Variants in GPBP1 observed in about 807,000 individuals in gnomAD.
The protein encoded by GPBP1 is GC-rich promoter binding protein 1, also known as vasculin.
GPBP1 carries 13 observed loss-of-function variants against 56.5 expected under a neutral mutation model. The observed-to-expected ratio is 0.23, with a 90% CI of 0.15 to 0.37. The LOEUF (loss-of-function observed/expected upper bound fraction) is 0.37, where lower values mean the gene tolerates loss of function less well. Among genes scored for constraint, GPBP1 ranks in the 10% least tolerant of loss-of-function variants. The pLI is 1.00. For synonymous variants in GPBP1, 204 were observed against 188.9 expected (o/e 1.08, Z -0.66); for missense variants, 477 against 572.3 (o/e 0.83, Z 1.70).
At chr5:57,195,741 G>A (rs867547932) in intron 2 of GPBP1, among the ~76,000 whole-genome samples, 33 of 151,980 alleles carry the variant, frequency 2.2e-4, no homozygotes, top group Admixed American at 9.2e-4. Flanking sequence ...GCTCGTGAGC[G>A]CCTGTAATCC....
chr5:57,217,252 C>T (rs1755735946), intron 3 of GPBP1, among the ~76,000 whole-genome samples: 1 of 151,928 alleles, frequency 6.6e-6, no homozygotes, highest in African/African-American at 2.4e-5. Context: ...TGGGCCTTCC[C>T]TCCAGCATGA....
chr5:57,200,297 T>G (rs1754955229), intron 2 of GPBP1, among the ~76,000 whole-genome samples: 1 of 151,940 alleles, frequency 6.6e-6, no homozygotes, highest in Non-Finnish European at 1.5e-5. Flanking sequence ...AATTTCATTT[T>G]CTGTTTAATT....
chr5:57,246,555 TA>T (rs1183806610), intron 7 of GPBP1, 71 bp downstream of exon 7: 2 of 1,269,626 alleles, frequency 1.6e-6, no homozygotes, highest in Non-Finnish European at 2.2e-6. Flanking sequence ...GGGGAAATGT[TA>T]AAGAATTTAA....
chr5:57,211,787 T>C (rs1755493144), intron 2 of GPBP1, among the ~76,000 whole-genome samples: 1 of 151,742 alleles, frequency 6.6e-6, no homozygotes, highest in Admixed American at 6.6e-5. Flanking sequence ...TTCTCCTTGT[T>C]GGTCAAACTC....
chr5:57,191,675 C>A (rs763286830), intron 2 of GPBP1, among the ~76,000 whole-genome samples: 1 of 151,966 alleles, frequency 6.6e-6, no homozygotes, highest in African/African-American at 2.4e-5. Context: ...GATTCTCCTG[C>A]CTCAGCCTCC....
chr5:57,244,030 A>G (rs537846665), intron 6 of GPBP1, among the ~76,000 whole-genome samples: 7 of 152,222 alleles, frequency 4.6e-5, no homozygotes, highest in Non-Finnish European at 1.0e-4. Context: ...AAAAATTTTT[A>G]TTTCTTCTTA....
At chr5:57,229,213 A>G (rs1402788266) in intron 3 of GPBP1, among the ~76,000 whole-genome samples, 1 of 141,154 alleles carries the variant, frequency 7.1e-6, no homozygotes, top group Non-Finnish European at 1.5e-5. Flanking sequence ...CCTGGGCGAC[A>G]GAACAAGACT....
At chr5:57,216,403 T>C (rs540747493) in intron 3 of GPBP1, among the ~76,000 whole-genome samples, 13 of 151,946 alleles carry the variant, frequency 8.6e-5, no homozygotes, top group Non-Finnish European at 1.6e-4. Context: ...TCTGAACAAG[T>C]ATAACTGGGG....
chr5:57,250,486 A>T (rs1203199445), intron 9 of GPBP1, among the ~76,000 whole-genome samples: 1 of 150,372 alleles, frequency 6.7e-6, no homozygotes, highest in East Asian at 1.9e-4. Flanking sequence ...TTGGATATCC[A>T]TCCTGGCTTA....
intron 3 of GPBP1, among the ~76,000 whole-genome samples, chr5:57,230,152 G>A (rs762918772): frequency 1.3e-5 from 2 of 151,886 alleles, no homozygotes; most frequent in African/African-American, 4.8e-5. Context: ...AGCTGGTCTC[G>A]AACTCCCAAT....
At chr5:57,218,480 G>T (rs931097543) in intron 3 of GPBP1, among the ~76,000 whole-genome samples, 1 of 152,186 alleles carries the variant, frequency 6.6e-6, no homozygotes. Context: ...GTGGTGTGGT[G>T]TGTGGAGCTT....
At chr5:57,252,983 A>C (rs1053341785) in intron 10 of GPBP1, among the ~76,000 whole-genome samples, 1 of 152,222 alleles carries the variant, frequency 6.6e-6, no homozygotes, top group Non-Finnish European at 1.5e-5. Flanking sequence ...TGCTAGGATT[A>C]CAGGTGTGAG....
At chr5:57,197,395 C>T (rs1214859533) in intron 2 of GPBP1, among the ~76,000 whole-genome samples, 3 of 132,684 alleles carry the variant, frequency 2.3e-5, no homozygotes, top group East Asian at 4.2e-4. Flanking sequence ...CTCGCTCCGT[C>T]GCTCATGCTG....
intron 2 of GPBP1, among the ~76,000 whole-genome samples, chr5:57,194,714 G>C (rs1754673159): frequency 6.6e-6 from 1 of 152,030 alleles, no homozygotes; most frequent in African/African-American, 2.4e-5. Context: ...CTACCTGTGA[G>C]TTGATTTTGA....
At chr5:57,243,642 TTAA>T (rs1740937362) in intron 6 of GPBP1, among the ~76,000 whole-genome samples, 1 of 151,372 alleles carries the variant, frequency 6.6e-6, no homozygotes, top group African/African-American at 2.4e-5. Context: ...ATATTGAGGC[TTAA>T]AGATAGTATA....
intron 2 of GPBP1, among the ~76,000 whole-genome samples, chr5:57,209,021 C>A (rs755474927): frequency 4.6e-5 from 7 of 152,086 alleles, no homozygotes; most frequent in Non-Finnish European, 1.0e-4. Context: ...TTTTGGTGTG[C>A]AAGTCTTAAC....
At chr5:57,203,914 A>G (rs1453147374) in intron 2 of GPBP1, among the ~76,000 whole-genome samples, 1 of 152,214 alleles carries the variant, frequency 6.6e-6, no homozygotes, top group Non-Finnish European at 1.5e-5. Flanking sequence ...GGGAAGCAAT[A>G]GAATTTTTGC....
chr5:57,184,111 A>C (rs988182676), intron 2 of GPBP1, among the ~76,000 whole-genome samples: 3 of 152,068 alleles, frequency 2.0e-5, no homozygotes, highest in Non-Finnish European at 4.4e-5. Flanking sequence ...GCATACCTGT[A>C]ATCCCAGCTA....
chr5:57,243,081 T>C (rs1740909854), intron 6 of GPBP1, among the ~76,000 whole-genome samples: 1 of 151,340 alleles, frequency 6.6e-6, no homozygotes, highest in Non-Finnish European at 1.5e-5. Flanking sequence ...TTTTTTCTTT[T>C]TTTTGAGATG....
Sources: allele counts gnomAD v4.1 joint callset (sites outside exome capture counted in the v4.1 genomes callset), GRCh38; gene constraint gnomAD v4.1.1; transcripts MANE v1.5; gene names NCBI Gene and HGNC (gene_info 2026-07-23, HGNC 2026-07-21).